CES4A: variants seen among roughly 807,000 people sequenced by gnomAD.
CES4A encodes the protein carboxylesterase 6.
Under a neutral mutation model 65.4 loss-of-function variants are expected in CES4A, and 48 were observed. The observed-to-expected ratio is 0.73, with a 90% CI of 0.58 to 0.93. The LOEUF (loss-of-function observed/expected upper bound fraction) is 0.93. Ranked by LOEUF, CES4A falls within the 40% of genes least tolerant of loss-of-function variation. The pLI, the probability that CES4A is intolerant of heterozygous loss-of-function variation, is 0.00. For synonymous variants in CES4A, 247 were observed against 281.8 expected (o/e 0.88, Z 1.24); for missense variants, 685 against 728.5 (o/e 0.94, Z 0.69).
Position 67,000,463 on chromosome 16 carries a change from G to GT in CES4A, c.261-174dup, listed in dbSNP as rs1279682110. On this transcript the variant is annotated intron_variant, in intron 2 of 13. Transcript: ENST00000648724. The surrounding 1 kb of genome is among the most constrained non-coding windows in gnomAD (Gnocchi z 4.2). ...TCCTGAGAGGCCAACCTGCCTCCCAGTCCTGGGCCCCGGGGCTGGCGGAGG... is the reference window on the plus strand; with the variant it reads ...TCCTGAGAGGCCAACCTGCCTCCCAGTTCCTGGGCCCCGGGGCTGGCGGAGG... 1 of 1,422,004 alleles carries GT rather than the reference G, an allele frequency of 7.0e-7. No homozygotes were observed. The highest frequency in any genetic ancestry group is 9.2e-7 in the Non-Finnish European group (1 of 1,091,906). 88.1% of individuals were successfully genotyped at this position (1,422,004 alleles called of 1,614,324 possible). A position where few individuals can be genotyped will look rare whatever the true frequency, so the allele number is the denominator to read the frequency against.
intron 2 of CES4A, among the ~76,000 whole-genome samples, chr16:66,999,111 A>G (rs568104173): frequency 1.3e-5 from 2 of 152,326 alleles, no homozygotes; most frequent in South Asian, 2.1e-4. Flanking sequence ...ACAGCATTCT[A>G]ATACCACATT....
intron 1 of CES4A, among the ~76,000 whole-genome samples, chr16:66,994,732 G>A (rs988169159): frequency 1.8e-4 from 27 of 151,386 alleles, no homozygotes; most frequent in African/African-American, 6.1e-4. Flanking sequence ...CCAGCTACTC[G>A]GGAGGCCGAG....
At chr16:66,989,751 A>T (rs1379458324) in intron 1 of CES4A, among the ~76,000 whole-genome samples, 1 of 151,922 alleles carries the variant, frequency 6.6e-6, no homozygotes, top group Non-Finnish European at 1.5e-5. Flanking sequence ...GCTACTCAGG[A>T]GGCTGAGGCA....
chr16:66,988,794 A>C, exon 1 of CES4A: 1 of 1,568,770 alleles, frequency 6.4e-7, no homozygotes, highest in Non-Finnish European at 8.7e-7. Flanking sequence ...TCTGTGCTGG[A>C]GCCTCACCCT....
In CES4A at chr16:67,001,600, A is replaced by T; in HGVS notation, c.690+139A>T. ...CACAGAAATGCTCTCGCCCCTGCCA[A>T]GGGTACAGCCCCTCATAGCCAAGGA... On this transcript the variant is annotated intron_variant, in intron 5 of 13. Transcript: ENST00000648724. This position sits in a 1 kb window ranked among gnomAD's most constrained non-coding sequence, Gnocchi z 4.1. 10 of 1,024,516 alleles carry T rather than the reference A, an allele frequency of 9.8e-6. No homozygotes were observed. The highest frequency in any genetic ancestry group is 1.2e-5 in the Non-Finnish European group (9 of 720,426). 63.5% of individuals were successfully genotyped at this position (1,024,516 alleles called of 1,614,324 possible). A position where few individuals can be genotyped will look rare whatever the true frequency, so the allele number is the denominator to read the frequency against.
chr16:67,009,029 T>G, exon 14 of CES4A: 3 of 1,614,174 alleles, frequency 1.9e-6, no homozygotes, highest in Non-Finnish European at 2.5e-6. Flanking sequence ...GGATGAAAAG[T>G]ACCTGCAGCT....
intron 1 of CES4A, among the ~76,000 whole-genome samples, chr16:66,994,105 A>G (rs28571100): frequency 0.17 from 25,167 of 151,576 alleles, 2,726 homozygotes; most frequent in African/African-American, 0.3. Flanking sequence ...CATCTCAAAA[A>G]AAGGACAGAG....
rs1965363708 is a variant in CES4A, at chr16:67,001,651, T to C, written c.690+190T>C. ...TGTCTCCTCTGTTGAGGGATAGCAC[T>C]GATGAGAAAACTGAGCCCCAGGAAG... is the stretch of plus-strand genomic sequence containing the variant. On this transcript the variant is annotated intron_variant, in intron 5 of 13. Transcript: ENST00000648724. This position sits in a 1 kb window ranked among gnomAD's most constrained non-coding sequence, Gnocchi z 4.1. Among the ~76,000 whole-genome samples, 1 of 152,244 alleles carries C rather than the reference T, an allele frequency of 6.6e-6. No homozygotes were observed. Among genetic ancestry groups the C allele is most frequent in the Non-Finnish European group, 1.5e-5 (1 of 68,042 alleles).
At position 67,000,181 on chromosome 16, in the gene CES4A, G is replaced by A. The variant is rs1965171052; in HGVS notation, c.261-457G>A. On this transcript the variant is annotated intron_variant, in intron 2 of 13. Coordinates refer to ENST00000648724, the Ensembl canonical transcript of CES4A. The surrounding 1 kb of genome is among the most constrained non-coding windows in gnomAD (Gnocchi z 4.2). The stretch of plus-strand genomic sequence containing the variant: ...TGACATAGTCCGCCAGAGTGTGGCC[G>A]AGGAGTAGGAGGAGTGTGAAGAGGC... Among the ~76,000 whole-genome samples the A allele has an allele frequency of 6.6e-6, 1 of 152,168 alleles. No homozygotes were observed. The highest frequency in any genetic ancestry group is 6.5e-5 in the Admixed American group (1 of 15,272).
intron 2 of CES4A, among the ~76,000 whole-genome samples, chr16:66,998,915 C>T (rs1440686233): frequency 6.6e-6 from 1 of 151,836 alleles, no homozygotes; most frequent in Non-Finnish European, 1.5e-5. Flanking sequence ...ATATGGTCAA[C>T]CATGTTGAGG....
intron 5 of CES4A, among the ~76,000 whole-genome samples, chr16:67,002,022 C>G: frequency 6.6e-6 from 1 of 152,236 alleles, no homozygotes; most frequent in African/African-American, 2.4e-5. Flanking sequence ...AGGCATTCTT[C>G]TAAGCACCTT....
rs763575191 is a variant in CES4A at position 67,003,232 on chromosome 16, G to A, written c.796-24G>A. 1 of 1,613,020 alleles carries A rather than the reference G, an allele frequency of 6.2e-7. No homozygotes were observed. The highest frequency in any genetic ancestry group is 8.5e-7 in the Non-Finnish European group (1 of 1,179,000). On this transcript the variant is annotated intron_variant, in intron 6 of 13. Coordinates refer to ENST00000648724, the Ensembl canonical transcript of CES4A. The surrounding 1 kb of genome is among the most constrained non-coding windows in gnomAD (Gnocchi z 4.2). ...GGAAGGGCAGGATGGAAGCACCACT[G>A]AGCATCCTTTCTTCTCTCTATAGAA...
Position 67,000,411 on chromosome 16 carries a change from T to G in CES4A, c.261-227T>G. 1.5e-6 allele frequency: 2 copies of G among 1,342,918 alleles called. No individual in the cohort carries two copies. Among genetic ancestry groups the G allele is most frequent in the Non-Finnish European group, 1.9e-6 (2 of 1,033,290 alleles). 83.2% of individuals were successfully genotyped at this position (1,342,918 alleles called of 1,614,324 possible). ...CAGGAGCAGGAATCTCTCCACGGAC[T>G]GAGGCGCCGGGCAGGGAGGGGATGG... On this transcript the variant is annotated intron_variant, in intron 2 of 13. Coordinates refer to ENST00000648724, the Ensembl canonical transcript of CES4A. This position sits in a 1 kb window ranked among gnomAD's most constrained non-coding sequence, Gnocchi z 4.2.
At chr16:66,995,913 A>T in intron 2 of CES4A, 84 bp downstream of exon 2, 1 of 1,304,914 alleles carries the variant, frequency 7.7e-7, no homozygotes, top group Non-Finnish European at 1.1e-6. Context: ...CTCACTGAGA[A>T]GAACTCACTG....
rs1964967479 is a variant in CES4A at position 66,997,776 on chromosome 16, C to T, written c.260+1947C>T. Among the ~76,000 whole-genome samples the T allele has an allele frequency of 2.0e-5, 3 of 152,016 alleles. No homozygotes were observed. In the South Asian group the frequency reaches 6.2e-4, roughly 32 times the overall value. ...CTTGAGCTCAGGAGTTTGAGACCAG[C>T]TTGAGCAATGTAGTGAGACCCTGTC... On this transcript the variant is annotated intron_variant, in intron 2 of 13. Coordinates refer to ENST00000648724, the Ensembl canonical transcript of CES4A.
chr16:66,998,687 C>T (rs1176303633), intron 2 of CES4A, among the ~76,000 whole-genome samples: 3 of 151,888 alleles, frequency 2.0e-5, no homozygotes, highest in Non-Finnish European at 4.4e-5. Flanking sequence ...ACCAACATGG[C>T]GAAACCCCGT....
At position 67,001,119 on chromosome 16, in the gene CES4A, G is replaced by C; in HGVS notation, c.536+129G>C. On this transcript the variant is annotated intron_variant, in intron 4 of 13. Transcript: ENST00000648724. The surrounding 1 kb of genome is among the most constrained non-coding windows in gnomAD (Gnocchi z 4.1). The stretch of plus-strand genomic sequence containing the variant: ...CCGCGAGGCGGGGGCGGGGCCTGGC[G>C]CTCGGTGGAAGGGGCGGGCGCTCCA... 1.5e-6 allele frequency: 2 copies of C among 1,344,214 alleles called. No individual in the cohort carries two copies. Among genetic ancestry groups the C allele is most frequent in the Non-Finnish European group, 2.0e-6 (2 of 1,003,374 alleles). 83.3% of individuals were successfully genotyped at this position (1,344,214 alleles called of 1,614,324 possible).
At position 67,001,330 on chromosome 16, in the gene CES4A, G is replaced by A. The variant is rs1461785987; in HGVS notation, c.559G>A (p.Gly187Arg). The change falls in exon 5 of 14, where the codon GGG becomes AGG. Residue 187 changes from glycine to arginine, a missense_variant. Transcript: ENST00000648724. The surrounding 1 kb of genome is among the most constrained non-coding windows in gnomAD (Gnocchi z 4.1). ...CAGCACGGACGACAGCCACGCGCGCGGGAACTGGGGGCTGCTGGACCAGAT... is the reference window on the plus strand; with the variant it reads ...CAGCACGGACGACAGCCACGCGCGCAGGAACTGGGGGCTGCTGGACCAGAT... 6.2e-7 allele frequency: 1 copy of A among 1,611,304 alleles called. No homozygotes were observed. Among genetic ancestry groups the A allele is most frequent in the Non-Finnish European group, 8.5e-7 (1 of 1,178,812 alleles).
Position 67,004,893 on chromosome 16 carries a change from G to C in CES4A, c.1161+20G>C, listed in dbSNP as rs1180455749. The C allele has an allele frequency of 1.3e-6, 2 of 1,529,036 alleles. No individual in the cohort carries two copies. The highest frequency in any genetic ancestry group is 3.9e-5 in the Admixed American group (2 of 50,956). The allele number at this position is 1,529,036 out of a possible 1,614,324, so 94.7% of individuals were successfully genotyped here. On this transcript the variant is annotated intron_variant, in intron 10 of 13. Coordinates refer to ENST00000648724, the Ensembl canonical transcript of CES4A. ...CTGTTGGTGAGGGACCCAGCTGGCA[G>C]GGGTGCTCAGTTCGGACAGGGTTGA...
Sources: allele counts gnomAD v4.1 joint callset (sites outside exome capture counted in the v4.1 genomes callset), GRCh38; gene constraint gnomAD v4.1.1; non-coding constraint Gnocchi (gnomAD v3.1); transcripts MANE v1.5; gene names NCBI Gene and HGNC (gene_info 2026-07-23, HGNC 2026-07-21).